DDX4: variants seen among roughly 807,000 people sequenced by gnomAD.
The protein encoded by DDX4 is DEAD-box helicase 4.
DDX4 carries 25 observed loss-of-function variants against 100.0 expected under a neutral mutation model. The ratio of observed to expected loss-of-function variants is 0.25; its 90% confidence interval spans 0.18 to 0.35. DDX4 has a LOEUF of 0.35. Among genes scored for constraint, DDX4 ranks in the 10% least tolerant of loss-of-function variants. The pLI, the probability that DDX4 is intolerant of heterozygous loss-of-function variation, is 1.00. For missense variants in DDX4, 635 were observed against 882.4 expected, an observed-to-expected ratio of 0.72 and a Z score of 3.55; for synonymous variants, 259 against 275.7, an observed-to-expected ratio of 0.94 and a Z score of 0.60.
chr5:55,775,976 CTGGGCGTGGTGGTG>C (rs1741536749), intron 7 of DDX4, among the ~76,000 whole-genome samples: 1 of 152,150 alleles, frequency 6.6e-6, no homozygotes, highest in South Asian at 2.1e-4. Flanking sequence ...CAAAAATTAA[CTGGGCGTGGTGGTG>C]CAGCCCTGTA....
chr5:55,812,855 G>T (rs1049162271), intron 18 of DDX4, among the ~76,000 whole-genome samples: 1 of 151,156 alleles, frequency 6.6e-6, no homozygotes, highest in Non-Finnish European at 1.5e-5. Context: ...GAAAGCAGGG[G>T]CTTTTATTTC....
At chr5:55,799,776 A>G (rs1382460143) in intron 18 of DDX4, among the ~76,000 whole-genome samples, 1 of 152,098 alleles carries the variant, frequency 6.6e-6, no homozygotes, top group Non-Finnish European at 1.5e-5. Context: ...ATACCTTCTC[A>G]TTACCTCATA....
At chr5:55,748,366 T>C (rs1759357973) in intron 3 of DDX4, among the ~76,000 whole-genome samples, 1 of 152,182 alleles carries the variant, frequency 6.6e-6, no homozygotes, top group Non-Finnish European at 1.5e-5. Flanking sequence ...GAAACCTGGT[T>C]TTTTGAGGTA....
intron 18 of DDX4, 33 bp downstream of exon 18, chr5:55,798,604 T>C: frequency 6.5e-7 from 1 of 1,539,788 alleles, no homozygotes; most frequent in Non-Finnish European, 8.8e-7. Flanking sequence ...TTTGTCATGA[T>C]TTTGATTTTT....
In DDX4 at chr5:55,760,207, T is replaced by C; in HGVS notation, c.135T>C (p.Asp45=). ...AAATGTTGTTTGCTTTAGAAATGGATGATGGACCTTCTCGAAGAGATCATT... is the reference window on the plus strand; with the variant it reads ...AAATGTTGTTTGCTTTAGAAATGGACGATGGACCTTCTCGAAGAGATCATT... ...NRTPASSSEM[D]DGPSRRDHFM... Residue 45 remains aspartate, a synonymous_variant, in exon 4 of 22, where the codon GAT becomes GAC. Coordinates refer to ENST00000505374, the MANE Select transcript of DDX4 (RefSeq NM_024415.3). The C allele has an allele frequency of 6.4e-7, 1 of 1,571,942 alleles. No individual in the cohort carries two copies. Among genetic ancestry groups the C allele is most frequent in the Non-Finnish European group, 8.6e-7 (1 of 1,163,988 alleles).
intron 19 of DDX4, among the ~76,000 whole-genome samples, chr5:55,814,127 A>G (rs1454378900): frequency 2.6e-5 from 4 of 152,134 alleles, no homozygotes; most frequent in African/African-American, 9.7e-5. Flanking sequence ...AGCTTTTTAA[A>G]ATTGGAGTGC....
At chr5:55,797,118 G>T (rs1198918469) in intron 17 of DDX4, among the ~76,000 whole-genome samples, 4 of 152,004 alleles carry the variant, frequency 2.6e-5, no homozygotes, top group African/African-American at 9.7e-5. Context: ...TGCTAGGATT[G>T]TAGGCATGAG....
rs1320372111 is a variant in DDX4 at position 55,794,311 on chromosome 5, C to T, written c.1469+1504C>T. 2.0e-5 allele frequency among the ~76,000 whole-genome samples: 3 copies of T among 151,696 alleles called. No individual in the cohort carries two copies. The East Asian group carries it at 5.8e-4, about 29-fold the overall frequency. On this transcript the variant is annotated intron_variant, in intron 17 of 21. Transcript: ENST00000505374. ...CAAGCGATTCTCCTGCCTCAGCCTC[C>T]CAAGTAGCTGGGATTACAGGCGCCT...
chr5:55,763,267 A>G lies in DDX4; in HGVS notation c.283+15A>G. ...TGGAAACAGAGGTAATTACTTGGTT[A>G]TGATATCTTACAATCAAAACTTGAG... is the stretch of plus-strand genomic sequence containing the variant. On this transcript the variant is annotated intron_variant, in intron 5 of 21. Coordinates refer to ENST00000505374, the MANE Select transcript of DDX4 (RefSeq NM_024415.3). 6.6e-7 allele frequency: 1 copy of G among 1,515,876 alleles called. No homozygotes were observed. The highest frequency in any genetic ancestry group is 1.4e-5 in the African/African-American group (1 of 72,876). The allele number at this position is 1,515,876 out of a possible 1,614,324, so 93.9% of individuals were successfully genotyped here.
At chr5:55,802,975 T>C (rs1335276337) in intron 18 of DDX4, among the ~76,000 whole-genome samples, 1 of 152,208 alleles carries the variant, frequency 6.6e-6, no homozygotes, top group East Asian at 1.9e-4. Flanking sequence ...TTATATACTT[T>C]TTTAGGGTAC....
intron 3 of DDX4, among the ~76,000 whole-genome samples, chr5:55,756,910 A>G (rs1028090513): frequency 6.6e-6 from 1 of 152,120 alleles, no homozygotes; most frequent in Non-Finnish European, 1.5e-5. Flanking sequence ...GATTGCCGTG[A>G]TATATATCAA....
chr5:55,785,929 A>C, intron 13 of DDX4, 58 bp downstream of exon 13: 1 of 1,240,842 alleles, frequency 8.1e-7, no homozygotes, highest in Non-Finnish European at 1.2e-6. Context: ...TTTAAAATAC[A>C]TTATGTAGTT....
intron 9 of DDX4, 37 bp downstream of exon 9, chr5:55,781,183 GATGT>G (rs1561498913): frequency 3.3e-6 from 5 of 1,509,328 alleles, no homozygotes; most frequent in Non-Finnish European, 4.5e-6. Flanking sequence ...ATTAGTTACT[GATGT>G]ATGTTTTTAG....
At chr5:55,759,794 A>G (rs776315883) in intron 3 of DDX4, among the ~76,000 whole-genome samples, 9 of 152,164 alleles carry the variant, frequency 5.9e-5, no homozygotes, top group Non-Finnish European at 8.8e-5. Context: ...ATCAAGATTG[A>G]TCTAGTTTAT....
intron 4 of DDX4, among the ~76,000 whole-genome samples, chr5:55,761,791 G>T (rs549316371): frequency 6.6e-6 from 1 of 151,772 alleles, no homozygotes; most frequent in East Asian, 1.9e-4. Context: ...TTTATTAGTA[G>T]TAGAGACAGG....
chr5:55,761,602 C>T (rs914506756), intron 4 of DDX4, among the ~76,000 whole-genome samples: 1 of 147,728 alleles, frequency 6.8e-6, no homozygotes, highest in Non-Finnish European at 1.5e-5. Context: ...TATATAGTTT[C>T]CTTTTTTTTT....
At chr5:55,811,052 GTCAACAGAA>G (rs1291850915) in intron 18 of DDX4, among the ~76,000 whole-genome samples, 1 of 144,252 alleles carries the variant, frequency 6.9e-6, no homozygotes, top group African/African-American at 2.6e-5. Context: ...ACCTAATAAA[GTCAACAGAA>G]TCTCTGCTGT....
intron 7 of DDX4, among the ~76,000 whole-genome samples, chr5:55,772,445 A>G (rs964712525): frequency 1.3e-5 from 2 of 152,042 alleles, no homozygotes; most frequent in Non-Finnish European, 2.9e-5. Flanking sequence ...TTTTTGTACC[A>G]TTGCCCCATA....
chr5:55,796,801 T>A lies in DDX4; in HGVS notation c.1470-1625T>A, dbSNP rs561054746. Among the ~76,000 whole-genome samples the A allele has an allele frequency of 9.0e-4, 135 of 150,048 alleles. 1 individual carries two copies. Among genetic ancestry groups the A allele is most frequent in the African/African-American group, 3.0e-3 (125 of 40,994 alleles). ...ATCAAGCTTCAAACTTGAAGACTTTTCTTTTCTTTTTTTCTTTCTTTCTTT... is the reference window on the plus strand; with the variant it reads ...ATCAAGCTTCAAACTTGAAGACTTTACTTTTCTTTTTTTCTTTCTTTCTTT... On this transcript the variant is annotated intron_variant, in intron 17 of 21. Coordinates refer to ENST00000505374, the MANE Select transcript of DDX4 (RefSeq NM_024415.3).
Sources: allele counts gnomAD v4.1 joint callset (sites outside exome capture counted in the v4.1 genomes callset), GRCh38; gene constraint gnomAD v4.1.1; transcripts MANE v1.5; gene names NCBI Gene and HGNC (gene_info 2026-07-23, HGNC 2026-07-21).